MALRD1: variants seen among roughly 807,000 people sequenced by gnomAD.
The protein encoded by MALRD1 is MAM and LDL-receptor class A domain-containing protein 1.
Under a neutral mutation model 242.1 loss-of-function variants are expected in MALRD1, and 247 were observed. The ratio of observed to expected loss-of-function variants is 1.02; its 90% CI spans 0.92 to 1.13. The LOEUF (loss-of-function observed/expected upper bound fraction) is 1.13, where lower values mean the gene tolerates loss of function less well. Ranked by LOEUF, MALRD1 falls within the 50% of genes most tolerant of loss-of-function variation. The probability of loss-of-function intolerance (pLI) is 0.00; values close to 1 mark genes in which losing one functional copy is unlikely to be tolerated. For missense variants in MALRD1, 2,989 were observed against 2,533.1 expected (o/e 1.18, Z -3.86); for synonymous variants, 995 against 866.6 (o/e 1.15, Z -2.60).
intron 29 of MALRD1, among the ~76,000 whole-genome samples, chr10:19,458,885 A>G (rs946355246): frequency 1.4e-5 from 2 of 140,686 alleles, no homozygotes; most frequent in African/African-American, 5.1e-5. Flanking sequence ...AGATATGTAT[A>G]GTTGAGTTAT....
intron 26 of MALRD1, among the ~76,000 whole-genome samples, chr10:19,353,008 TC>T (rs1844463006): frequency 6.6e-6 from 1 of 152,082 alleles, no homozygotes; most frequent in African/African-American, 2.4e-5. Flanking sequence ...ACTTTTTTTT[TC>T]TTTTTTTCTT....
intron 21 of MALRD1, among the ~76,000 whole-genome samples, chr10:19,306,247 T>TATATATACC (rs1842190003): frequency 7.7e-6 from 1 of 130,062 alleles, no homozygotes; most frequent in Non-Finnish European, 1.6e-5. Context: ...CTATATATAC[T>TATATATACC]ATACTATAGT....
intron 36 of MALRD1, among the ~76,000 whole-genome samples, chr10:19,664,426 C>CT (rs1841583202): frequency 2.0e-5 from 3 of 151,788 alleles, no homozygotes; most frequent in South Asian, 2.1e-4. Flanking sequence ...CAGGAGATCT[C>CT]TTTTTTTTCC....
At position 19,461,041 on chromosome 10, in the gene MALRD1, C is replaced by T. The variant is rs143165567; in HGVS notation, c.5029+10551C>T. Among the ~76,000 whole-genome samples the T allele has an allele frequency of 5.6e-3, 859 of 152,244 alleles. 3 individuals are homozygous for T. Among genetic ancestry groups the T allele is most frequent in the Non-Finnish European group, 9.5e-3 (648 of 68,024 alleles). On this transcript the variant is annotated intron_variant, in intron 29 of 39. Transcript: ENST00000454679. ...ACCTAATTCCTCCACTGATCCGTTG[C>T]ATACATGCCTACTTGTTTAATTGTT...
rs1425369163 is a variant in MALRD1, at chr10:19,711,010, T to A, written c.6314+18456T>A. The A allele has an allele frequency of 2.0e-5, 3 of 152,354 alleles. No homozygotes were observed. The East Asian group carries it at 5.8e-4, about 29-fold the overall frequency. The allele number at this position is 152,354 out of a possible 1,614,324, so 9.4% of individuals were successfully genotyped here. ...AGTAGTAAGTTATATAGTTTTCCAA[T>A]GGCATGTAGCAAATTATTCAGCACT... On this transcript the variant is annotated intron_variant, in intron 38 of 39. Transcript: ENST00000454679.
At chr10:19,075,356 T>C (rs1236088306) in intron 2 of MALRD1, among the ~76,000 whole-genome samples, 2 of 152,034 alleles carry the variant, frequency 1.3e-5, no homozygotes, top group African/African-American at 4.8e-5. Flanking sequence ...CAAGATTATC[T>C]TGGACTGTTC....
At chr10:19,177,241 C>G (rs1029284516) in intron 14 of MALRD1, among the ~76,000 whole-genome samples, 1 of 148,436 alleles carries the variant, frequency 6.7e-6, no homozygotes, top group Non-Finnish European at 1.5e-5. Context: ...GATCGCGCCA[C>G]TGCACTCAAG....
Position 19,100,194 on chromosome 10 carries a change from T to C in MALRD1, c.598-3785T>C, listed in dbSNP as rs1401638297. The stretch of plus-strand genomic sequence containing the variant: ...ACTATTTAATTATGCCTGATGTGTC[T>C]TGTGTTTTACAGCCACATAGACACA... On this transcript the variant is annotated intron_variant, in intron 4 of 39. Coordinates refer to ENST00000454679, the MANE Select transcript of MALRD1 (RefSeq NM_001142308.3). Among the ~76,000 whole-genome samples, 4 of 152,190 alleles carry C rather than the reference T, an allele frequency of 2.6e-5. No homozygotes were observed. The East Asian group carries it at 7.7e-4, about 29-fold the overall frequency.
intron 36 of MALRD1, among the ~76,000 whole-genome samples, chr10:19,636,898 C>CAA (rs5783689): frequency 0.059 from 5,627 of 95,130 alleles, 200 homozygotes; most frequent in East Asian, 0.14. Context: ...GACTCTGTCT[C>CAA]AAAAAAAAAA....
intron 28 of MALRD1, among the ~76,000 whole-genome samples, chr10:19,431,107 G>A (rs756448436): frequency 2.6e-5 from 4 of 151,998 alleles, no homozygotes; most frequent in Non-Finnish European, 4.4e-5. Flanking sequence ...AACCCATCAC[G>A]TATGTATTAA....
intron 5 of MALRD1, among the ~76,000 whole-genome samples, chr10:19,118,495 T>C (rs1176003182): frequency 6.6e-6 from 1 of 152,204 alleles, no homozygotes; most frequent in East Asian, 1.9e-4. Context: ...TTGGTTGAGT[T>C]ATTATCTGAA....
At chr10:19,173,615 C>T (rs1476436267) in intron 13 of MALRD1, among the ~76,000 whole-genome samples, 1 of 152,080 alleles carries the variant, frequency 6.6e-6, no homozygotes, top group Non-Finnish European at 1.5e-5. Context: ...TCTTATACTC[C>T]GTTAACACCC....
At position 19,114,797 on chromosome 10, in the gene MALRD1, G is replaced by C. The variant is rs145142281; in HGVS notation, c.695-8695G>C. Among the ~76,000 whole-genome samples the C allele has an allele frequency of 1.3e-3, 202 of 152,234 alleles. 2 individuals carry two copies. Among genetic ancestry groups the C allele is most frequent in the Non-Finnish European group, 2.0e-3 (137 of 68,020 alleles). On this transcript the variant is annotated intron_variant, in intron 5 of 39. Coordinates refer to ENST00000454679, the MANE Select transcript of MALRD1 (RefSeq NM_001142308.3). The stretch of plus-strand genomic sequence containing the variant: ...AATTTATTTTTTCTTGATTATTGAG[G>C]CCAGACATCCAAGTTCAAAATGTCA...
At chr10:19,544,541 A>G (rs1304663647) in intron 32 of MALRD1, among the ~76,000 whole-genome samples, 7 of 149,774 alleles carry the variant, frequency 4.7e-5, no homozygotes, top group Non-Finnish European at 1.0e-4. Context: ...GCTTATTCCC[A>G]GTGTTTATAA....
intron 28 of MALRD1, among the ~76,000 whole-genome samples, chr10:19,392,824 T>C (rs1419311313): frequency 6.6e-6 from 1 of 152,208 alleles, no homozygotes; most frequent in Non-Finnish European, 1.5e-5. Context: ...CGAATAACAA[T>C]TTTTTAAATA....
intron 21 of MALRD1, among the ~76,000 whole-genome samples, chr10:19,297,125 T>C (rs1841742216): frequency 6.6e-6 from 1 of 150,702 alleles, no homozygotes; most frequent in Non-Finnish European, 1.5e-5. Flanking sequence ...GAGTGTATCT[T>C]TTAGTTTATT....
rs200247200 is a variant in MALRD1 at position 19,222,751 on chromosome 10, G to GT, written c.2991+13080dup. ...TTTTAGATTTGTCTTTTCTCTGCAAGTTTTTTTTTGTTAAGTACCATAACA... is the reference window on the plus strand; with the variant it reads ...TTTTAGATTTGTCTTTTCTCTGCAAGTTTTTTTTTTGTTAAGTACCATAACA... On this transcript the variant is annotated intron_variant, in intron 18 of 39. Coordinates refer to ENST00000454679, the MANE Select transcript of MALRD1 (RefSeq NM_001142308.3). 8.4e-3 allele frequency among the ~76,000 whole-genome samples: 1,271 copies of GT among 151,684 alleles called. 19 individuals are homozygous for GT. Among genetic ancestry groups the GT allele is most frequent in the African/African-American group, 0.029 (1,188 of 41,382 alleles).
chr10:19,143,659 C>G (rs1833627488), intron 10 of MALRD1, among the ~76,000 whole-genome samples: 1 of 152,176 alleles, frequency 6.6e-6, no homozygotes, highest in African/African-American at 2.4e-5. Context: ...GAAGTGTGTT[C>G]TAGGAATTGG....
In MALRD1 at chr10:19,515,869, A is replaced by G. The variant is rs76230963; in HGVS notation, c.5321-15325A>G. On this transcript the variant is annotated intron_variant, in intron 31 of 39. Coordinates refer to ENST00000454679, the MANE Select transcript of MALRD1 (RefSeq NM_001142308.3). ...AGGCGTGAGCCACCGTGCATGGCCA[A>G]CTTTCTCTTCTTGCTGATAAGAACG... 1.7e-3 allele frequency among the ~76,000 whole-genome samples: 264 copies of G among 152,198 alleles called. 2 individuals carry two copies. The highest frequency in any genetic ancestry group is 6.2e-3 in the African/African-American group (259 of 41,530).
Sources: allele counts gnomAD v4.1 joint callset (sites outside exome capture counted in the v4.1 genomes callset), GRCh38; gene constraint gnomAD v4.1.1; transcripts MANE v1.5; gene names NCBI Gene and HGNC (gene_info 2026-07-23, HGNC 2026-07-21).